Variants in EDEM2 observed in about 807,000 individuals in gnomAD.
The protein encoded by EDEM2 is ER degradation-enhancing alpha-mannosidase-like protein 2.
Under a neutral mutation model 64.8 loss-of-function variants are expected in EDEM2, and 39 were observed. The observed-to-expected ratio is 0.60, with a 90% CI of 0.47 to 0.79. EDEM2 has a LOEUF of 0.79. Among genes scored for constraint, EDEM2 ranks in the 30% least tolerant of loss-of-function variants. The pLI is 0.00. For synonymous variants in EDEM2, 296 were observed against 291.5 expected (o/e 1.02, Z -0.16); for missense variants, 609 against 731.3 (o/e 0.83, Z 1.93).
intron 2 of EDEM2, among the ~76,000 whole-genome samples, chr20:35,146,437 A>C (rs1456118440): frequency 6.6e-6 from 1 of 152,010 alleles, no homozygotes; most frequent in Non-Finnish European, 1.5e-5. Flanking sequence ...AACTACAAAG[A>C]CTTAAGTTTT....
At chr20:35,133,624 G>A (rs973845069) in intron 6 of EDEM2, among the ~76,000 whole-genome samples, 3 of 151,922 alleles carry the variant, frequency 2.0e-5, no homozygotes, top group Non-Finnish European at 4.4e-5. Flanking sequence ...GCACCACCAC[G>A]CCCGGCTAAT....
At chr20:35,124,207 A>G (rs2085403105) in intron 8 of EDEM2, among the ~76,000 whole-genome samples, 173 bp from the exon 9 acceptor site, 2 of 152,194 alleles carry the variant, frequency 1.3e-5, no homozygotes, top group African/African-American at 4.8e-5. Context: ...TCTGAGCCCC[A>G]TCTATAAAAC....
chr20:35,138,494 G>A (rs966304043), intron 4 of EDEM2, among the ~76,000 whole-genome samples: 1 of 151,534 alleles, frequency 6.6e-6, no homozygotes, highest in South Asian at 2.1e-4. Context: ...CCAGTCACCT[G>A]TCATACCTGG....
chr20:35,133,097 C>A (rs2085528457), intron 6 of EDEM2, among the ~76,000 whole-genome samples: 3 of 152,130 alleles, frequency 2.0e-5, no homozygotes, highest in Non-Finnish European at 1.5e-5. Context: ...GGAGTTCAAT[C>A]TTGCTGGGGA....
At chr20:35,120,208 A>G (rs986881723) in intron 9 of EDEM2, among the ~76,000 whole-genome samples, 1 of 152,182 alleles carries the variant, frequency 6.6e-6, no homozygotes, top group African/African-American at 2.4e-5. Context: ...AATTACAGGC[A>G]TGCGCCACCA....
Position 35,144,961 on chromosome 20 carries a change from A to G in EDEM2, c.258+18T>C. 1.2e-6 allele frequency: 2 copies of G among 1,613,774 alleles called. No individual in the cohort carries two copies. The highest frequency in any genetic ancestry group is 1.7e-6 in the Non-Finnish European group (2 of 1,179,722). On this transcript the variant is annotated intron_variant, in intron 3 of 10. Transcript: ENST00000374492. The stretch of plus-strand genomic sequence containing the variant: ...TTATGTAACAGTGGAAAGGAAAAGA[A>G]ACAGACGAGATACTTACCAGCAAGG...
chr20:35,124,657 C>A (rs1439922828), intron 8 of EDEM2, among the ~76,000 whole-genome samples: 1 of 152,208 alleles, frequency 6.6e-6, no homozygotes. Flanking sequence ...CATCACCCAT[C>A]TTGCCTGGCC....
intron 10 of EDEM2, among the ~76,000 whole-genome samples, chr20:35,117,445 G>C (rs1211705460): frequency 6.6e-6 from 1 of 152,120 alleles, no homozygotes; most frequent in Non-Finnish European, 1.5e-5. Context: ...ATTCACCATG[G>C]AAGACCTCCA....
rs80304772 is a variant in EDEM2 at position 35,146,373 on chromosome 20, A to G, written c.218+452T>C. Among the ~76,000 whole-genome samples the G allele has an allele frequency of 6.0e-4, 91 of 152,306 alleles. No homozygotes were observed. The East Asian group carries it at 0.014, about 23-fold the overall frequency. On this transcript the variant is annotated intron_variant, in intron 2 of 10. Coordinates refer to ENST00000374492, the MANE Select transcript of EDEM2 (RefSeq NM_018217.3). ...CTGAGCTGAGATCTGAATGACAAGC[A>G]GCAGCCAGTGATGGGAGGAAAATGG... is the stretch of plus-strand genomic sequence containing the variant.
Position 35,115,601 on chromosome 20 carries a change from C to T in EDEM2, c.1569G>A (p.Gly523=), listed in dbSNP as rs1194573480. 3.7e-6 allele frequency: 6 copies of T among 1,613,564 alleles called. No homozygotes were observed. In the East Asian group the frequency reaches 1.1e-4, roughly 30 times the overall value. The change falls in exon 11 of 11, where the codon GGG becomes GGA. Residue 523 remains glycine (G), a synonymous_variant. Coordinates refer to ENST00000374492, the MANE Select transcript of EDEM2 (RefSeq NM_018217.3). ...SKFQKNTVSS[G]PWEPPARPGT... ...CTGGCCTTGCTGGAGGTTCCCATGG[C>T]CCCGAACTAACAGTGTTTTTCTGAA... is the stretch of plus-strand genomic sequence containing the variant.
At position 35,125,705 on chromosome 20, in the gene EDEM2, G is replaced by A. The variant is rs148981792; in HGVS notation, c.969+546C>T. Among the ~76,000 whole-genome samples the A allele has an allele frequency of 4.9e-4, 75 of 152,214 alleles. 1 individual carries two copies. The East Asian group carries it at 0.014, about 28-fold the overall frequency. ...GACCTAATTTTTTATTTTTTGTAGA[G>A]ATGAGGTCTCACTATGTTGCCCAGG... On this transcript the variant is annotated intron_variant, in intron 8 of 10. Coordinates refer to ENST00000374492, the MANE Select transcript of EDEM2 (RefSeq NM_018217.3).
intron 2 of EDEM2, among the ~76,000 whole-genome samples, 155 bp from the exon 3 acceptor site, chr20:35,145,173 C>A (rs562181053): frequency 6.6e-6 from 1 of 152,328 alleles, no homozygotes; most frequent in East Asian, 1.9e-4. Flanking sequence ...CAGTGAAAAT[C>A]GCAGGTATTC....
At chr20:35,126,639 G>A (rs560107266) in intron 7 of EDEM2, among the ~76,000 whole-genome samples, 202 of 152,234 alleles carry the variant, frequency 1.3e-3, no homozygotes, top group African/African-American at 4.1e-3. Flanking sequence ...GAGGCCAGGC[G>A]TGGTGGCTCA....
chr20:35,129,085 G>A (rs2085474323), intron 7 of EDEM2, among the ~76,000 whole-genome samples: 1 of 151,406 alleles, frequency 6.6e-6, no homozygotes, highest in East Asian at 2.0e-4. Context: ...TGGCCAACAT[G>A]GTGAAAACCC....
intron 4 of EDEM2, among the ~76,000 whole-genome samples, chr20:35,141,956 G>C (rs1395628707): frequency 6.6e-6 from 1 of 152,140 alleles, no homozygotes; most frequent in African/African-American, 2.4e-5. Context: ...CATTTCAAAT[G>C]CTCAATAGCT....
In EDEM2 at chr20:35,131,679, G is replaced by T. The variant is rs749188020; in HGVS notation, c.807C>A (p.Ile269=). The T allele has an allele frequency of 1.9e-6, 3 of 1,614,218 alleles. No individual in the cohort carries two copies. The highest frequency in any genetic ancestry group is 2.5e-6 in the Non-Finnish European group (3 of 1,180,028). Reference sequence around the variant, plus strand: ...CCATGAGCTTCTTATCCTGAAGCAGGATGGCTCCTTTCACCAAGTACTCAA... The same window carrying T: ...CCATGAGCTTCTTATCCTGAAGCAGTATGGCTCCTTTCACCAAGTACTCAA... The part of the protein sequence containing the change: ...SYFEYLVKGA[I]LLQDKKLMAM... The change falls in exon 7 of 11, where the codon ATC becomes ATA. Residue 269 remains isoleucine (I), a synonymous_variant. Transcript: ENST00000374492.
chr20:35,137,292 G>A (rs1372493075), intron 5 of EDEM2, among the ~76,000 whole-genome samples: 3 of 152,106 alleles, frequency 2.0e-5, no homozygotes, highest in African/African-American at 4.8e-5. Context: ...GGTGGCAGGC[G>A]CCTGTAATCC....
intron 8 of EDEM2, among the ~76,000 whole-genome samples, chr20:35,124,627 C>G (rs898812993): frequency 1.3e-5 from 2 of 152,150 alleles, no homozygotes. Context: ...CTCAGCCTTC[C>G]AAAGTGCTGG....
intron 4 of EDEM2, among the ~76,000 whole-genome samples, chr20:35,138,916 TTGGAAA>T (rs1366492142): frequency 1.3e-5 from 2 of 152,148 alleles, no homozygotes; most frequent in Admixed American, 1.3e-4. Flanking sequence ...ACAAAGGTTC[TTGGAAA>T]TACAGCTAAA....
Sources: allele counts gnomAD v4.1 joint callset (sites outside exome capture counted in the v4.1 genomes callset), GRCh38; gene constraint gnomAD v4.1.1; transcripts MANE v1.5; gene names NCBI Gene and HGNC (gene_info 2026-07-23, HGNC 2026-07-21).